PGCKA1: variants seen among roughly 807,000 people sequenced by gnomAD.
PGCKA1 encodes the protein PDCD10 and GCKIII kinases-associated protein 1.
chr4:37,536,110 CAG>C, the PGCKA1 span, among the ~76,000 whole-genome samples: 1 of 152,190 alleles, frequency 6.6e-6, no homozygotes, highest in African/African-American at 2.4e-5. Flanking sequence ...GAGTACAAAA[CAG>C]AGACAGACAA....
the PGCKA1 span, among the ~76,000 whole-genome samples, chr4:37,516,651 A>G: frequency 4.6e-5 from 7 of 152,208 alleles, no homozygotes; most frequent in Non-Finnish European, 1.0e-4. Context: ...CTCTTGACTA[A>G]GTCACATTGC....
At chr4:37,542,713 G>C in the PGCKA1 span, among the ~76,000 whole-genome samples, 1 of 152,182 alleles carries the variant, frequency 6.6e-6, no homozygotes, top group African/African-American at 2.4e-5. Flanking sequence ...GTAGCCATAT[G>C]TCGTTAGTAT....
At chr4:37,590,339 C>T in the PGCKA1 span, 1 of 1,613,648 alleles carries the variant, frequency 6.2e-7, no homozygotes, top group Admixed American at 1.7e-5. Context: ...GAACACCATG[C>T]CTGCGGTGTC....
At chr4:37,517,525 C>T in the PGCKA1 span, among the ~76,000 whole-genome samples, 1 of 152,080 alleles carries the variant, frequency 6.6e-6, no homozygotes, top group Admixed American at 6.5e-5. Context: ...ACGGTGACAT[C>T]ACTGGCATGC....
chr4:37,506,922 T>G, the PGCKA1 span, among the ~76,000 whole-genome samples: 1 of 152,136 alleles, frequency 6.6e-6, no homozygotes, highest in Non-Finnish European at 1.5e-5. Context: ...ATCCCTCTCT[T>G]TAGCTCTAAT....
the PGCKA1 span, chr4:37,590,936 T>C: frequency 3.7e-6 from 6 of 1,614,202 alleles, no homozygotes; most frequent in Non-Finnish European, 5.1e-6. Context: ...GATGCAGCGG[T>C]GGCGGAGGCC....
the PGCKA1 span, among the ~76,000 whole-genome samples, chr4:37,556,451 T>G: frequency 2.5e-5 from 3 of 120,922 alleles, no homozygotes; most frequent in Non-Finnish European, 5.4e-5. Context: ...GTATTTTTAG[T>G]AGAGACGGGG....
the PGCKA1 span, among the ~76,000 whole-genome samples, chr4:37,536,684 A>G: frequency 6.6e-6 from 1 of 152,178 alleles, no homozygotes; most frequent in African/African-American, 2.4e-5. Context: ...AATATTTTGG[A>G]CTTTGCCAGT....
chr4:37,544,500 C>T, the PGCKA1 span, among the ~76,000 whole-genome samples: 4 of 88,056 alleles, frequency 4.5e-5, no homozygotes, highest in Non-Finnish European at 1.1e-4. Flanking sequence ...CTGGATTGGT[C>T]TTCTAATTTT....
the PGCKA1 span, among the ~76,000 whole-genome samples, chr4:37,511,527 C>T: frequency 1.1e-4 from 16 of 152,212 alleles, no homozygotes; most frequent in South Asian, 2.1e-4. Context: ...GGGAGCCTCA[C>T]GACTATGACC....
the PGCKA1 span, among the ~76,000 whole-genome samples, chr4:37,507,115 G>A: frequency 1.3e-5 from 2 of 151,400 alleles, no homozygotes; most frequent in Non-Finnish European, 3.0e-5. Context: ...CTATTTTTTT[G>A]TTTCCATTAA....
chr4:37,470,732 C>G, the PGCKA1 span, among the ~76,000 whole-genome samples: 1 of 152,156 alleles, frequency 6.6e-6, no homozygotes, highest in Non-Finnish European at 1.5e-5. Flanking sequence ...TTAGTATTTT[C>G]ATTGTAAGCC....
chr4:37,481,276 A>C, the PGCKA1 span, among the ~76,000 whole-genome samples: 9 of 151,692 alleles, frequency 5.9e-5, no homozygotes, highest in East Asian at 1.5e-3. Context: ...CCTGGCCAAC[A>C]TTGTGAAACC....
the PGCKA1 span, among the ~76,000 whole-genome samples, chr4:37,570,128 C>T: frequency 1.1e-3 from 159 of 146,526 alleles, 1 homozygote; most frequent in African/African-American, 3.8e-3. Context: ...TACAGGCGCC[C>T]GCCACCACGC....
chr4:37,494,936 T>C, the PGCKA1 span, among the ~76,000 whole-genome samples: 1 of 152,002 alleles, frequency 6.6e-6, no homozygotes, highest in African/African-American at 2.4e-5. Flanking sequence ...TTGAAAAGTG[T>C]CTGTTCAGCA....
chr4:37,490,673 C>A, the PGCKA1 span, among the ~76,000 whole-genome samples: 1 of 152,102 alleles, frequency 6.6e-6, no homozygotes, highest in African/African-American at 2.4e-5. Context: ...AGAAATGCAG[C>A]CTCCTTTGTT....
At chr4:37,542,601 C>G in the PGCKA1 span, among the ~76,000 whole-genome samples, 1 of 152,130 alleles carries the variant, frequency 6.6e-6, no homozygotes, top group South Asian at 2.1e-4. Flanking sequence ...CTGTACAATA[C>G]AGTAGCCACT....
chr4:37,486,562 C>T, the PGCKA1 span, among the ~76,000 whole-genome samples: 1 of 152,114 alleles, frequency 6.6e-6, no homozygotes, highest in African/African-American at 2.4e-5. Context: ...AAAGAACCAG[C>T]GTTGCCAAAC....
chr4:37,590,658 TAATG>T, the PGCKA1 span: 10 of 1,613,990 alleles, frequency 6.2e-6, no homozygotes, highest in Non-Finnish European at 8.5e-6. Flanking sequence ...ACGTTGATCA[TAATG>T]AAAAGGACTG....
Sources: gnomAD v4.1 joint callset for allele counts (sites outside exome capture counted in the v4.1 genomes callset) on GRCh38, gnomAD v4.1.1 for gene constraint, MANE v1.5 for transcripts, NCBI Gene and HGNC (gene_info 2026-07-23, HGNC 2026-07-21) for gene names.